SPOCK3: variants seen among roughly 807,000 people sequenced by gnomAD.
The protein encoded by SPOCK3 is SPARC (osteonectin), cwcv and kazal like domains proteoglycan 3.
SPOCK3 carries 30 observed loss-of-function variants against 56.6 expected under a neutral mutation model. The ratio of observed to expected loss-of-function variants is 0.53; its 90% CI spans 0.40 to 0.72. The LOEUF (loss-of-function observed/expected upper bound fraction) is 0.72. Ranked by LOEUF, SPOCK3 falls within the 30% of genes least tolerant of loss-of-function variation. SPOCK3 has a pLI of 0.00. For missense variants in SPOCK3, 527 were observed against 530.0 expected (o/e 0.99, Z 0.06); for synonymous variants, 196 against 183.3 (o/e 1.07, Z -0.56).
Position 166,754,546 on chromosome 4 carries a change from G to A in SPOCK3, c.893C>T (p.Ser298Phe). 1 of 1,613,428 alleles carries A rather than the reference G, an allele frequency of 6.2e-7. No homozygotes were observed. The highest frequency in any genetic ancestry group is 8.5e-7 in the Non-Finnish European group (1 of 1,179,606). Reference protein sequence around the residue: ...SCDTYKDSLISNNEWCYCFQR... With the variant: ...SCDTYKDSLIFNNEWCYCFQR... Reference sequence around the variant, plus strand: ...GAAGCAGTAGCACCACTCATTATTAGATATTAAACTGTCCTTGTATGTGTC... The same window carrying A: ...GAAGCAGTAGCACCACTCATTATTAAATATTAAACTGTCCTTGTATGTGTC... Residue 298 changes from serine (S) to phenylalanine (F), a missense_variant, in exon 8 of 11, where the codon TCT (serine) becomes TTT (phenylalanine). By Grantham distance (155) the Ser-to-Phe change is radical. Transcript: ENST00000357545.
chr4:167,156,745 A>G (rs1764852540), intron 2 of SPOCK3, among the ~76,000 whole-genome samples: 1 of 152,150 alleles, frequency 6.6e-6, no homozygotes, highest in East Asian at 1.9e-4. Flanking sequence ...AGCTATGCCA[A>G]TCCCATGGTA....
intron 4 of SPOCK3, among the ~76,000 whole-genome samples, chr4:166,927,570 A>T (rs747896513): frequency 6.6e-6 from 1 of 152,176 alleles, no homozygotes; most frequent in African/African-American, 2.4e-5. Context: ...TCTTCACAAA[A>T]TGTAACTCAA....
intron 3 of SPOCK3, among the ~76,000 whole-genome samples, chr4:167,013,105 T>C (rs1750251750): frequency 6.6e-6 from 1 of 152,086 alleles, no homozygotes; most frequent in South Asian, 2.1e-4. Context: ...ATTGCAAATA[T>C]GAAATGTGAA....
chr4:167,177,842 TAGG>T (rs1165880775), intron 2 of SPOCK3, among the ~76,000 whole-genome samples: 1 of 152,174 alleles, frequency 6.6e-6, no homozygotes. Context: ...TTATGTCTCA[TAGG>T]AGAACACCAA....
chr4:166,769,137 C>T (rs189379186), intron 7 of SPOCK3, among the ~76,000 whole-genome samples: 30 of 152,172 alleles, frequency 2.0e-4, no homozygotes, highest in Non-Finnish European at 3.5e-4. Context: ...TTCAAACTTC[C>T]TCCTTTAGCT....
chr4:166,899,979 T>G (rs1409611944), intron 5 of SPOCK3, among the ~76,000 whole-genome samples: 1 of 152,204 alleles, frequency 6.6e-6, no homozygotes, highest in Non-Finnish European at 1.5e-5. Flanking sequence ...CACTTAGGCA[T>G]TCTCCTTGGT....
intron 2 of SPOCK3, among the ~76,000 whole-genome samples, chr4:167,068,359 A>T (rs1233499957): frequency 6.6e-6 from 1 of 151,742 alleles, no homozygotes; most frequent in Non-Finnish European, 1.5e-5. Context: ...AATGTTGTTA[A>T]GCTTTGTAAA....
At chr4:167,011,144 A>T (rs1414506524) in intron 3 of SPOCK3, 1 of 343,738 alleles carries the variant, frequency 2.9e-6, no homozygotes, top group Non-Finnish European at 5.9e-6. Flanking sequence ...AAAACCTCTT[A>T]AGGGTTCTTG....
At chr4:166,763,236 A>G (rs1266491668) in intron 7 of SPOCK3, among the ~76,000 whole-genome samples, 1 of 152,122 alleles carries the variant, frequency 6.6e-6, no homozygotes, top group Non-Finnish European at 1.5e-5. Flanking sequence ...CTCAGAGGCT[A>G]TGAAGCCCAG....
At chr4:167,162,133 T>C (rs1765375839) in intron 2 of SPOCK3, among the ~76,000 whole-genome samples, 1 of 152,034 alleles carries the variant, frequency 6.6e-6, no homozygotes, top group Non-Finnish European at 1.5e-5. Context: ...TCATACCCTT[T>C]TGTCTAATCA....
intron 5 of SPOCK3, among the ~76,000 whole-genome samples, chr4:166,906,165 A>C (rs1446263066): frequency 6.6e-6 from 1 of 152,084 alleles, no homozygotes; most frequent in African/African-American, 2.4e-5. Flanking sequence ...GTCAGCATTA[A>C]GGTACAACAA....
intron 4 of SPOCK3, among the ~76,000 whole-genome samples, chr4:166,970,195 T>C (rs1234714154): frequency 1.3e-5 from 2 of 152,120 alleles, no homozygotes; most frequent in African/African-American, 2.4e-5. Context: ...GTCTGAGGAG[T>C]TCATTGACCT....
At chr4:167,090,785 G>A (rs1319150836) in intron 2 of SPOCK3, among the ~76,000 whole-genome samples, 2 of 152,022 alleles carry the variant, frequency 1.3e-5, no homozygotes, top group Admixed American at 1.3e-4. Flanking sequence ...TTACAGGCAT[G>A]AGCCACCGAG....
chr4:167,061,297 TGCATGTCA>T (rs1297141913), intron 3 of SPOCK3, among the ~76,000 whole-genome samples: 1 of 152,044 alleles, frequency 6.6e-6, no homozygotes, highest in Admixed American at 6.6e-5. Flanking sequence ...CATCTCTGTC[TGCATGTCA>T]TTATTTTTTT....
intron 4 of SPOCK3, among the ~76,000 whole-genome samples, chr4:166,972,393 G>A (rs775645863): frequency 2.6e-5 from 4 of 151,986 alleles, no homozygotes; most frequent in East Asian, 1.9e-4. Context: ...CTAAATAGCC[G>A]GGTTGGCAGC....
intron 7 of SPOCK3, among the ~76,000 whole-genome samples, chr4:166,771,954 G>A (rs562605536): frequency 6.6e-6 from 1 of 151,888 alleles, no homozygotes; most frequent in Non-Finnish European, 1.5e-5. Context: ...TGTTTTTATA[G>A]TTCTTAGCAT....
chr4:166,869,247 G>A lies in SPOCK3; in HGVS notation c.589+19883C>T, dbSNP rs192811894. On this transcript the variant is annotated intron_variant, in intron 6 of 10. Coordinates refer to ENST00000357545, the MANE Select transcript of SPOCK3 (RefSeq NM_001040159.2). ...AATTGCTGATATGTTGGTCTTTTCA[G>A]TTCAAGCAATCAGAGTTAAACACAT... is the stretch of plus-strand genomic sequence containing the variant. Among the ~76,000 whole-genome samples, 166 of 151,428 alleles carry A rather than the reference G, an allele frequency of 1.1e-3. 1 individual carries two copies. In the Middle Eastern group the frequency reaches 0.02, roughly 19 times the overall value.
intron 4 of SPOCK3, among the ~76,000 whole-genome samples, chr4:166,952,759 G>C (rs527510075): frequency 4.6e-5 from 7 of 152,234 alleles, no homozygotes; most frequent in Admixed American, 2.6e-4. Context: ...GAACAGAACA[G>C]AGCCCTCAGA....
chr4:166,832,159 A>T (rs1746149974), intron 6 of SPOCK3, among the ~76,000 whole-genome samples: 1 of 152,096 alleles, frequency 6.6e-6, no homozygotes, highest in South Asian at 2.1e-4. Context: ...ATTACGTCCC[A>T]AGGCCAATGT....
Sources: allele counts gnomAD v4.1 joint callset (sites outside exome capture counted in the v4.1 genomes callset), GRCh38; gene constraint gnomAD v4.1.1; transcripts MANE v1.5; gene names NCBI Gene and HGNC (gene_info 2026-07-23, HGNC 2026-07-21).